TRRAP: variants seen among roughly 807,000 people sequenced by gnomAD.
TRRAP encodes the protein transformation/transcription domain-associated protein.
A neutral mutation model predicts 438.8 loss-of-function variants in TRRAP; 41 were observed. The ratio of observed to expected loss-of-function variants is 0.09; its 90% confidence interval spans 0.07 to 0.12. The LOEUF (loss-of-function observed/expected upper bound fraction) is 0.12. Among genes scored for constraint, TRRAP ranks in the 10% least tolerant of loss-of-function variants. TRRAP has a pLI of 1.00. For missense variants in TRRAP, 3,122 were observed against 5,055.1 expected, an observed-to-expected ratio of 0.62 and a Z score of 11.60; for synonymous variants, 1,994 against 1,962.9, an observed-to-expected ratio of 1.02 and a Z score of -0.42.
chr7:98,937,480 AAAGAT>A (rs1210687988), intron 29 of TRRAP, among the ~76,000 whole-genome samples, 165 bp from the exon 30 acceptor site: 3 of 152,266 alleles, frequency 2.0e-5, no homozygotes, highest in Non-Finnish European at 4.4e-5. Context: ...ATTAAACAGT[AAAGAT>A]AAGTCTCCAT....
At chr7:98,943,529 T>C (rs1790897393) in intron 31 of TRRAP, among the ~76,000 whole-genome samples, 1 of 152,190 alleles carries the variant, frequency 6.6e-6, no homozygotes, top group Non-Finnish European at 1.5e-5. Flanking sequence ...GTTTTCAAGG[T>C]CTGCGTCATC....
chr7:98,965,775 C>T lies in TRRAP; in HGVS notation c.7056C>T (p.Asn2352=), dbSNP rs1792125183. The T allele has an allele frequency of 1.2e-6, 2 of 1,614,000 alleles. No individual in the cohort carries two copies. The highest frequency in any genetic ancestry group is 1.1e-5 in the South Asian group (1 of 91,076). Residue 2352 remains asparagine (N), a synonymous_variant, in exon 49 of 73, where the codon AAC becomes AAT. Coordinates refer to ENST00000456197, the MANE Select transcript of TRRAP (RefSeq NM_001375524.1). ...LAVMSMEMRK[N]FIQAILTSLI... The stretch of plus-strand genomic sequence containing the variant: ...TGATGAGCATGGAGATGCGGAAGAA[C>T]TTCATCCAGGCCATCCTGACATCCC...
chr7:98,933,122 C>T, intron 26 of TRRAP, 119 bp from the exon 27 acceptor site: 1 of 1,338,776 alleles, frequency 7.5e-7, no homozygotes, highest in East Asian at 2.6e-5. Context: ...ATCTCCCGTT[C>T]CCTAATGAGA....
rs375376388 is a variant in TRRAP, at chr7:99,012,369, G to C, written c.*14G>C. ...CCCTGGCTGTGACTGTGGCCGCCACGGCCACCCGGAATGTGAAGGGCGCTC... is the reference window on the plus strand; with the variant it reads ...CCCTGGCTGTGACTGTGGCCGCCACCGCCACCCGGAATGTGAAGGGCGCTC... On this transcript the variant is annotated 3_prime_UTR_variant, in exon 73 of 73. Coordinates refer to ENST00000456197, the MANE Select transcript of TRRAP (RefSeq NM_001375524.1). The surrounding 1 kb of genome is among the most constrained non-coding windows in gnomAD (Gnocchi z 5.9). 6.3e-7 allele frequency: 1 copy of C among 1,580,112 alleles called. No homozygotes were observed. Among genetic ancestry groups the C allele is most frequent in the East Asian group, 2.3e-5 (1 of 42,982 alleles).
At position 98,988,924 on chromosome 7, in the gene TRRAP, C is replaced by T; in HGVS notation, c.9549C>T (p.Cys3183=). Reference sequence around the variant, plus strand: ...CCATCACCTGCTACCTGCACGCCTGCCGGCATCAGAACGAGAGCAAATCGA... The same window carrying T: ...CCATCACCTGCTACCTGCACGCCTGTCGGCATCAGAACGAGAGCAAATCGA... ...VSAITCYLHA[C]RHQNESKSRK... Residue 3183 remains cysteine (C), a synonymous_variant, in exon 63 of 73, where the codon TGC becomes TGT. Transcript: ENST00000456197. 1 of 1,614,016 alleles carries T rather than the reference C, an allele frequency of 6.2e-7. No individual in the cohort carries two copies. Among genetic ancestry groups the T allele is most frequent in the Non-Finnish European group, 8.5e-7 (1 of 1,179,994 alleles).
In TRRAP at chr7:98,958,010, A is replaced by G. The variant is rs143198982; in HGVS notation, c.6261A>G (p.Gly2087=). ...TTGGGAGGAGCCAGTCGCTACCTGG[A>G]GCAGACTCTCTCCTCGCCAAGCCCA... ...AVFGRSQSLP[G]ADSLLAKPID... The change falls in exon 44 of 73, where the codon GGA becomes GGG. Residue 2087 remains glycine (G), a synonymous_variant. Transcript: ENST00000456197. 264 of 1,613,998 alleles carry G rather than the reference A, an allele frequency of 1.6e-4. No homozygotes were observed. Among genetic ancestry groups the G allele is most frequent in the Non-Finnish European group, 2.2e-4 (263 of 1,180,020 alleles).
chr7:98,942,328 T>G (rs1246002440), intron 30 of TRRAP, among the ~76,000 whole-genome samples: 3 of 152,218 alleles, frequency 2.0e-5, no homozygotes, highest in Non-Finnish European at 4.4e-5. Flanking sequence ...TTGTGCCCAC[T>G]GCTCCCCCGC....
At chr7:98,997,724 C>T (rs537112869) in intron 67 of TRRAP, among the ~76,000 whole-genome samples, 15 of 152,184 alleles carry the variant, frequency 9.9e-5, no homozygotes, top group African/African-American at 2.4e-4. Flanking sequence ...TGTCCCCACA[C>T]GCAGAAGGTA....
At chr7:98,950,802 G>A in intron 38 of TRRAP, 74 bp from the exon 39 acceptor site, 2 of 1,455,294 alleles carry the variant, frequency 1.4e-6, no homozygotes, top group Non-Finnish European at 1.8e-6. Context: ...GCCAAGACTA[G>A]CTGTTCTTCC....
At chr7:98,999,392 CT>C (rs1410514975) in intron 67 of TRRAP, 2 of 1,295,230 alleles carry the variant, frequency 1.5e-6, no homozygotes, top group African/African-American at 2.9e-5. Context: ...CCACAATTTC[CT>C]CTTGATCTAC....
chr7:98,991,360 C>T (rs1401863933), intron 64 of TRRAP, among the ~76,000 whole-genome samples: 1 of 152,216 alleles, frequency 6.6e-6, no homozygotes, highest in African/African-American at 2.4e-5. Context: ...CCACCCATTC[C>T]TCTGGCTCCT....
chr7:99,010,747 A>G (rs1794391675), intron 70 of TRRAP, among the ~76,000 whole-genome samples: 1 of 152,200 alleles, frequency 6.6e-6, no homozygotes, highest in Admixed American at 6.5e-5. Flanking sequence ...ATAGTCAGCA[A>G]GGGTGGAAAT....
intron 51 of TRRAP, 63 bp from the exon 52 acceptor site, chr7:98,970,049 G>A (rs2116703765): frequency 6.4e-7 from 1 of 1,568,778 alleles, no homozygotes; most frequent in Middle Eastern, 1.7e-4. Flanking sequence ...TGGGAGAGAA[G>A]TCCAGATGCC....
intron 21 of TRRAP, among the ~76,000 whole-genome samples, chr7:98,923,545 G>A (rs1333834136): frequency 1.3e-5 from 2 of 152,214 alleles, no homozygotes; most frequent in Non-Finnish European, 2.9e-5. Flanking sequence ...TTTTTGGCAG[G>A]TAATTGGCTC....
At chr7:98,963,152 A>G (rs73711456) in intron 47 of TRRAP, among the ~76,000 whole-genome samples, 1,544 of 152,332 alleles carry the variant, frequency 0.01, 28 homozygotes, top group African/African-American at 0.034. Flanking sequence ...AAATACCTAT[A>G]TAGATAGCCC....
At chr7:98,970,072 C>T (rs377463126) in intron 51 of TRRAP, 40 bp from the exon 52 acceptor site, 60 of 1,603,058 alleles carry the variant, frequency 3.7e-5, no homozygotes, top group East Asian at 3.1e-4. Flanking sequence ...GAATGCCACG[C>T]GCATGCCTTG....
At chr7:98,946,846 A>T (rs887660947) in intron 33 of TRRAP, among the ~76,000 whole-genome samples, 5 of 152,248 alleles carry the variant, frequency 3.3e-5, no homozygotes, top group Admixed American at 6.5e-5. Context: ...GTGCTTTGAA[A>T]ATGAAAAAGC....
chr7:98,899,343 T>C, intron 8 of TRRAP, 79 bp from the exon 9 acceptor site: 1 of 1,148,978 alleles, frequency 8.7e-7, no homozygotes. Flanking sequence ...TTTCAGTGGG[T>C]GATGCTCAGT....
At chr7:98,988,672 C>G in intron 62 of TRRAP, 93 bp from the exon 63 acceptor site, 1 of 1,415,246 alleles carries the variant, frequency 7.1e-7, no homozygotes, top group Non-Finnish European at 9.6e-7. Flanking sequence ...CCAAATGCCC[C>G]GCAGTGTTCA....
Sources: gnomAD v4.1 joint callset for allele counts (sites outside exome capture counted in the v4.1 genomes callset) on GRCh38, gnomAD v4.1.1 for gene constraint, Gnocchi (gnomAD v3.1) non-coding constraint, MANE v1.5 for transcripts, NCBI Gene and HGNC (gene_info 2026-07-23, HGNC 2026-07-21) for gene names.